The following ARSG variants were observed in gnomAD, a reference collection of about 807,000 sequenced individuals.
ARSG encodes ASG.
In ARSG, 37 loss-of-function variants were observed where a neutral mutation model predicts 50.5. The observed-to-expected ratio is 0.73, with a 90% CI of 0.56 to 0.96. The LOEUF is 0.96. Among genes scored for constraint, ARSG ranks in the 50% least tolerant of loss-of-function variants. The pLI is 0.00. For synonymous variants in ARSG, 225 were observed against 254.6 expected, an observed-to-expected ratio of 0.88 and a Z score of 1.11; for missense variants, 629 against 675.3, an observed-to-expected ratio of 0.93 and a Z score of 0.76.
At chr17:68,375,929 T>G (rs1366287483) in intron 8 of ARSG, among the ~76,000 whole-genome samples, 2 of 152,048 alleles carry the variant, frequency 1.3e-5, no homozygotes, top group Non-Finnish European at 2.9e-5. Flanking sequence ...ATTTTAAGAG[T>G]GGGAGGGACA....
the ARSG span, chr17:68,428,540 A>C: frequency 1.5e-5 from 4 of 262,648 alleles, no homozygotes; most frequent in East Asian, 9.2e-5. Context: ...GTGGCAGGGA[A>C]TATTTTTGAA....
chr17:68,302,303 C>T (rs530588038), intron 1 of ARSG, among the ~76,000 whole-genome samples: 14 of 152,274 alleles, frequency 9.2e-5, no homozygotes, highest in African/African-American at 3.4e-4. Context: ...CCCCCCTGCT[C>T]TTTTGTCTTT....
intron 1 of ARSG, among the ~76,000 whole-genome samples, chr17:68,299,700 C>G (rs1211423222): frequency 2.0e-5 from 3 of 152,238 alleles, no homozygotes; most frequent in African/African-American, 7.2e-5. Context: ...GACACGTGAA[C>G]CAAGTGCAGT....
At chr17:68,396,784 A>G (rs77532698) in intron 10 of ARSG, among the ~76,000 whole-genome samples, 13,705 of 152,152 alleles carry the variant, frequency 0.09, 1,504 homozygotes, top group African/African-American at 0.26. Context: ...TGTTGGATGA[A>G]GCCTGAGAGG....
At chr17:68,372,877 A>ATTTTTTT (rs55668215) in intron 8 of ARSG, among the ~76,000 whole-genome samples, 1 of 93,208 alleles carries the variant, frequency 1.1e-5, no homozygotes, top group African/African-American at 4.1e-5. Context: ...GGAAATGCTG[A>ATTTTTTT]TTTTTTTTTT....
At chr17:68,385,578 G>A (rs2080679033) in intron 9 of ARSG, among the ~76,000 whole-genome samples, 1 of 136,066 alleles carries the variant, frequency 7.3e-6, no homozygotes, top group African/African-American at 2.7e-5. Context: ...GAGGGGAGAG[G>A]AGGGGAGGGG....
intron 5 of ARSG, among the ~76,000 whole-genome samples, chr17:68,355,503 C>T (rs2078989863): frequency 6.6e-6 from 1 of 151,910 alleles, no homozygotes; most frequent in Non-Finnish European, 1.5e-5. Context: ...AGACTACAGG[C>T]GTGCAGCACC....
At chr17:68,334,566 G>C (rs2077927853) in intron 2 of ARSG, among the ~76,000 whole-genome samples, 1 of 152,184 alleles carries the variant, frequency 6.6e-6, no homozygotes, top group African/African-American at 2.4e-5. Context: ...GATCTTTGCG[G>C]TGAGGAATTC....
chr17:68,312,898 C>A (rs944102457), intron 2 of ARSG, among the ~76,000 whole-genome samples: 2 of 152,132 alleles, frequency 1.3e-5, no homozygotes, highest in Non-Finnish European at 2.9e-5. Flanking sequence ...TCTGTTGCCT[C>A]CTTTTTATTT....
chr17:68,426,987 C>T (rs1479803079), downstream of ARSG: 1 of 666,820 alleles, frequency 1.5e-6, no homozygotes, highest in Non-Finnish European at 2.6e-6. Flanking sequence ...GAGAGCACTC[C>T]ACCCCCAGGT....
intron 3 of ARSG, 196 bp from the exon 4 acceptor site, chr17:68,346,929 C>T (rs2146304524): frequency 6.7e-7 from 1 of 1,502,352 alleles, no homozygotes; most frequent in Non-Finnish European, 8.9e-7. Context: ...CTGGGGTCAT[C>T]CTTTATGTGT....
intron 2 of ARSG, among the ~76,000 whole-genome samples, chr17:68,333,543 G>A (rs538027747): frequency 4.0e-5 from 6 of 151,866 alleles, no homozygotes; most frequent in South Asian, 4.2e-4. Flanking sequence ...CAGGAGAATC[G>A]CTTGAACTCG....
chr17:68,345,714 C>T (rs1278326984), intron 3 of ARSG, among the ~76,000 whole-genome samples: 1 of 152,174 alleles, frequency 6.6e-6, no homozygotes. Context: ...CACTGGGCTC[C>T]ACTTTTCCCC....
At chr17:68,282,642 G>A (rs2075728807) in intron 1 of ARSG, among the ~76,000 whole-genome samples, 1 of 151,556 alleles carries the variant, frequency 6.6e-6, no homozygotes, top group Admixed American at 6.6e-5. Flanking sequence ...CTACAAAAAA[G>A]TATAAGAAGA....
intron 1 of ARSG, among the ~76,000 whole-genome samples, chr17:68,304,980 C>G (rs1274654159): frequency 6.6e-6 from 1 of 152,034 alleles, no homozygotes; most frequent in Non-Finnish European, 1.5e-5. Context: ...TCCAGACTGG[C>G]CTGGGCAATA....
downstream of ARSG, chr17:68,421,273 C>A: frequency 6.4e-6 from 1 of 157,182 alleles, no homozygotes; most frequent in Non-Finnish European, 1.4e-5. Context: ...ATATAAAAAC[C>A]TCAAAAATGC....
chr17:68,273,983 G>A (rs1194564209), intron 1 of ARSG: 3 of 1,614,014 alleles, frequency 1.9e-6, no homozygotes, highest in Non-Finnish European at 2.5e-6. Context: ...GAAGGAGGCG[G>A]CCACCATCCC....
intron 1 of ARSG, among the ~76,000 whole-genome samples, chr17:68,262,515 C>A (rs544902004): frequency 6.7e-6 from 1 of 148,760 alleles, no homozygotes; most frequent in African/African-American, 2.5e-5. Flanking sequence ...GTAGCAGGAG[C>A]AGAGGGAAAA....
intron 2 of ARSG, among the ~76,000 whole-genome samples, chr17:68,329,650 A>G (rs2077644344): frequency 6.6e-6 from 1 of 152,148 alleles, no homozygotes. Flanking sequence ...GACCGTGCTG[A>G]CTTCGAATTT....
Sources: gnomAD v4.1 joint callset for allele counts (sites outside exome capture counted in the v4.1 genomes callset) on GRCh38, gnomAD v4.1.1 for gene constraint, MANE v1.5 for transcripts, NCBI Gene and HGNC (gene_info 2026-07-23, HGNC 2026-07-21) for gene names.